The following ALG12 variants were observed in gnomAD, a reference collection of about 807,000 sequenced individuals.
The protein encoded by ALG12 is ALG12 alpha-1,6-mannosyltransferase.
Under a neutral mutation model 46.0 loss-of-function variants are expected in ALG12, and 36 were observed. The observed-to-expected ratio is 0.78, with a 90% CI of 0.60 to 1.03. The LOEUF (loss-of-function observed/expected upper bound fraction) is 1.03. Among genes scored for constraint, ALG12 ranks in the 50% least tolerant of loss-of-function variants. The pLI, the probability that ALG12 is intolerant of heterozygous loss-of-function variation, is 0.00. For missense variants in ALG12, 599 were observed against 633.5 expected (o/e 0.95, Z 0.58); for synonymous variants, 326 against 291.6 (o/e 1.12, Z -1.20).
chr22:49,884,966 G>C, the ALG12 span: 12 of 1,612,708 alleles, frequency 7.4e-6, no homozygotes. Flanking sequence ...CAGGCTGATG[G>C]GCTGAGTCCT....
chr22:49,864,760 A>C, the ALG12 span, among the ~76,000 whole-genome samples: 1 of 137,906 alleles, frequency 7.3e-6, no homozygotes, highest in African/African-American at 2.8e-5. Context: ...GTTTGAGGCT[A>C]CAGTGAGCTG....
chr22:49,875,292 G>C, the ALG12 span, among the ~76,000 whole-genome samples: 1 of 151,844 alleles, frequency 6.6e-6, no homozygotes, highest in African/African-American at 2.4e-5. Context: ...GAGTTTCTCT[G>C]TGGGAAGGTT....
In ALG12 at chr22:49,905,278, T is replaced by C. The variant is rs1334417389; in HGVS notation, c.993-772A>G. 6.6e-6 allele frequency among the ~76,000 whole-genome samples: 1 copy of C among 152,176 alleles called. No individual in the cohort carries two copies. The highest frequency in any genetic ancestry group is 2.4e-5 in the African/African-American group (1 of 41,458). Reference sequence around the variant, plus strand: ...CCTTAACGGAAAAGCTTGCCAACCCTGGTCTAAACGCCCTGAACCCCCGAT... The same window carrying C: ...CCTTAACGGAAAAGCTTGCCAACCCCGGTCTAAACGCCCTGAACCCCCGAT... On this transcript the variant is annotated intron_variant, in intron 7 of 9. Coordinates refer to ENST00000330817, the MANE Select transcript of ALG12 (RefSeq NM_024105.4). The surrounding 1 kb of genome is among the most constrained non-coding windows in gnomAD (Gnocchi z 4.9).
the ALG12 span, chr22:49,885,254 C>T: frequency 1.9e-6 from 3 of 1,601,804 alleles, no homozygotes; most frequent in Non-Finnish European, 2.6e-6. Context: ...TTGGCCTCTG[C>T]AGAAAGTTCC....
At chr22:49,915,050 G>A (rs1439342070) in intron 1 of ALG12, among the ~76,000 whole-genome samples, 1 of 152,222 alleles carries the variant, frequency 6.6e-6, no homozygotes, top group Non-Finnish European at 1.5e-5. Context: ...TTGATCAAAC[G>A]GAGAGTTAAG....
At chr22:49,869,349 C>T in the ALG12 span, among the ~76,000 whole-genome samples, 4 of 152,198 alleles carry the variant, frequency 2.6e-5, no homozygotes, top group African/African-American at 7.2e-5. Flanking sequence ...CTCGTACCCG[C>T]GTGGTGGTTA....
At chr22:49,860,166 G>A in the ALG12 span, among the ~76,000 whole-genome samples, 2 of 152,156 alleles carry the variant, frequency 1.3e-5, no homozygotes, top group Non-Finnish European at 2.9e-5. Flanking sequence ...GGGCATGATG[G>A]TATGTGCCTG....
the ALG12 span, chr22:49,884,709 G>A: frequency 1.4e-5 from 22 of 1,598,032 alleles, no homozygotes; most frequent in African/African-American, 1.5e-4. Context: ...CGGGCATCCC[G>A]CCACTGTACT....
chr22:49,905,757 G>C lies in ALG12; in HGVS notation c.993-1251C>G, dbSNP rs1378153971. 6.6e-6 allele frequency among the ~76,000 whole-genome samples: 1 copy of C among 152,210 alleles called. No homozygotes were observed. On this transcript the variant is annotated intron_variant, in intron 7 of 9. Coordinates refer to ENST00000330817, the MANE Select transcript of ALG12 (RefSeq NM_024105.4). The surrounding 1 kb of genome is among the most constrained non-coding windows in gnomAD (Gnocchi z 4.9). ...CTCTTTATAAATTATCCAGTCTCAG[G>C]TGTTTCTTTACATCAGTGCGAGAGC...
At chr22:49,907,377 C>T (rs2060548233) in intron 7 of ALG12, among the ~76,000 whole-genome samples, 1 of 152,196 alleles carries the variant, frequency 6.6e-6, no homozygotes, top group Non-Finnish European at 1.5e-5. Context: ...AGCCCTCTGT[C>T]AGCACAATGC....
intron 3 of ALG12, 46 bp from the exon 4 acceptor site, chr22:49,910,653 T>C (rs1222498470): frequency 6.2e-7 from 1 of 1,612,620 alleles, no homozygotes; most frequent in Non-Finnish European, 8.5e-7. Flanking sequence ...TGGAGGAGTA[T>C]CCAGTGGGGC....
chr22:49,905,755 A>C lies in ALG12; in HGVS notation c.993-1249T>G, dbSNP rs2055377307. Among the ~76,000 whole-genome samples, 1 of 152,188 alleles carries C rather than the reference A, an allele frequency of 6.6e-6. No individual in the cohort carries two copies. The highest frequency in any genetic ancestry group is 6.5e-5 in the Admixed American group (1 of 15,276). ...TCCTCTTTATAAATTATCCAGTCTC[A>C]GGTGTTTCTTTACATCAGTGCGAGA... is the stretch of plus-strand genomic sequence containing the variant. On this transcript the variant is annotated intron_variant, in intron 7 of 9. Transcript: ENST00000330817. This position sits in a 1 kb window ranked among gnomAD's most constrained non-coding sequence, Gnocchi z 4.9.
chr22:49,914,590 C>T (rs886114869), intron 1 of ALG12, among the ~76,000 whole-genome samples: 2 of 152,224 alleles, frequency 1.3e-5, no homozygotes, highest in African/African-American at 2.4e-5. Context: ...CCAGCTGCTA[C>T]ACGTGAGAGA....
chr22:49,913,875 G>T, intron 1 of ALG12, 32 bp from the exon 2 acceptor site: 1 of 1,460,110 alleles, frequency 6.8e-7, no homozygotes, highest in Non-Finnish European at 9.5e-7. Flanking sequence ...CCTGAGGTTC[G>T]AAAGTCACGC....
the ALG12 span, among the ~76,000 whole-genome samples, chr22:49,893,853 G>C: frequency 1.3e-5 from 2 of 152,192 alleles, no homozygotes; most frequent in Non-Finnish European, 2.9e-5. Flanking sequence ...CCTGCAAGGG[G>C]TGAAAGTATG....
Position 49,904,438 on chromosome 22 carries a change from A to T in ALG12, c.1061T>A (p.Val354Glu). 6.2e-7 allele frequency: 1 copy of T among 1,614,172 alleles called. No individual in the cohort carries two copies. The highest frequency in any genetic ancestry group is 8.5e-7 in the Non-Finnish European group (1 of 1,180,030). The change falls in exon 8 of 10, where the codon GTG becomes GAG. Residue 354 changes from valine (V) to glutamate (E), a missense_variant. Val to Glu is a moderately radical substitution (Grantham distance 121). Transcript: ENST00000330817. The stretch of plus-strand genomic sequence containing the variant: ...GGCCGTGGCTGAGTAGGCGGCATTC[A>T]CCACGAGGTGTCCGATCACAAGCAG... ...GSLLVIGHLV[V>E]NAAYSATALY... is the part of the protein sequence containing the mutation.
chr22:49,864,633 C>T, the ALG12 span, among the ~76,000 whole-genome samples: 1 of 151,912 alleles, frequency 6.6e-6, no homozygotes, highest in Non-Finnish European at 1.5e-5. Context: ...CCTCAGCAAC[C>T]TAGTGAGACC....
chr22:49,892,056 TG>T, the ALG12 span, among the ~76,000 whole-genome samples: 3 of 151,836 alleles, frequency 2.0e-5, no homozygotes, highest in African/African-American at 7.3e-5. Flanking sequence ...GGTGTGGTGG[TG>T]GGCGTCTGTA....
At chr22:49,859,754 G>A in the ALG12 span, among the ~76,000 whole-genome samples, 1 of 152,206 alleles carries the variant, frequency 6.6e-6, no homozygotes, top group Admixed American at 6.5e-5. Context: ...TGCGGGGTGT[G>A]GTGGCTCACA....
Sources: gnomAD v4.1 joint callset for allele counts (sites outside exome capture counted in the v4.1 genomes callset) on GRCh38, gnomAD v4.1.1 for gene constraint, Gnocchi (gnomAD v3.1) non-coding constraint, MANE v1.5 for transcripts, NCBI Gene and HGNC (gene_info 2026-07-23, HGNC 2026-07-21) for gene names.